The following MINDY4 variants were observed in gnomAD, a reference collection of about 807,000 sequenced individuals.
MINDY4 encodes MINDY lysine 48 deubiquitinase 4.
Under a neutral mutation model 87.0 loss-of-function variants are expected in MINDY4, and 68 were observed. The ratio of observed to expected loss-of-function variants is 0.78; its 90% CI spans 0.64 to 0.96. MINDY4 has a LOEUF of 0.96. Ranked by LOEUF, MINDY4 falls within the 40% of genes least tolerant of loss-of-function variation. The probability of loss-of-function intolerance (pLI) is 0.00; values close to 1 mark genes in which losing one functional copy is unlikely to be tolerated. For missense variants in MINDY4, 919 were observed against 928.2 expected (o/e 0.99, Z 0.13); for synonymous variants, 379 against 363.2 (o/e 1.04, Z -0.50).
At chr7:30,831,818 T>G (rs1238002903) in intron 6 of MINDY4, among the ~76,000 whole-genome samples, 1 of 152,216 alleles carries the variant, frequency 6.6e-6, no homozygotes, top group African/African-American at 2.4e-5. Context: ...AAAATCCAAT[T>G]ACTTTATACA....
At chr7:30,852,806 A>G (rs187113197) in intron 11 of MINDY4, among the ~76,000 whole-genome samples, 146 of 152,292 alleles carry the variant, frequency 9.6e-4, no homozygotes, top group African/African-American at 3.3e-3. Flanking sequence ...CCTCTTGCCA[A>G]CCTCTTCACT....
intron 13 of MINDY4, among the ~76,000 whole-genome samples, chr7:30,860,086 G>A (rs7795447): frequency 0.15 from 23,126 of 152,124 alleles, 2,242 homozygotes; most frequent in African/African-American, 0.27. Context: ...AGAGCCCTGG[G>A]GGCCTGGAGT....
In MINDY4 at chr7:30,827,443, T is replaced by G. The variant is rs577737046; in HGVS notation, c.1074-1236T>G. Among the ~76,000 whole-genome samples the G allele has an allele frequency of 2.0e-4, 31 of 152,214 alleles. No individual in the cohort carries two copies. In the South Asian group the frequency reaches 6.5e-3, roughly 32 times the overall value. Reference sequence around the variant, plus strand: ...TGCAGTTCTTCATGGGTGGGGGTGCTCTGACACAAACTCAGTGTCGACTGC... The same window carrying G: ...TGCAGTTCTTCATGGGTGGGGGTGCGCTGACACAAACTCAGTGTCGACTGC... On this transcript the variant is annotated intron_variant, in intron 5 of 17. Coordinates refer to ENST00000265299, the MANE Select transcript of MINDY4 (RefSeq NM_032222.3).
At chr7:30,776,128 C>T (rs1451124519) in intron 1 of MINDY4, among the ~76,000 whole-genome samples, 1 of 152,072 alleles carries the variant, frequency 6.6e-6, no homozygotes, top group African/African-American at 2.4e-5. Flanking sequence ...TAATCTCCTG[C>T]CTCCTACAGT....
chr7:30,811,136 G>A (rs1025282195), intron 5 of MINDY4, among the ~76,000 whole-genome samples: 27 of 151,968 alleles, frequency 1.8e-4, no homozygotes, highest in African/African-American at 6.0e-4. Context: ...GCTAACCACC[G>A]AGACTGCTGT....
chr7:30,789,010 C>A (rs1430187936), intron 4 of MINDY4, among the ~76,000 whole-genome samples: 2 of 152,232 alleles, frequency 1.3e-5, no homozygotes, highest in Admixed American at 1.3e-4. Context: ...TGCCTTGATT[C>A]ATGCCTGGGG....
intron 6 of MINDY4, among the ~76,000 whole-genome samples, chr7:30,830,722 T>C (rs980143440): frequency 1.3e-5 from 2 of 152,148 alleles, no homozygotes; most frequent in African/African-American, 2.4e-5. Flanking sequence ...CAAGATGAGA[T>C]TTGGGTGGGG....
intron 5 of MINDY4, among the ~76,000 whole-genome samples, chr7:30,805,259 G>A (rs1449532711): frequency 6.6e-6 from 1 of 152,202 alleles, no homozygotes; most frequent in Non-Finnish European, 1.5e-5. Flanking sequence ...AAGGAGGACT[G>A]TGGGCCTGGA....
At chr7:30,806,500 A>G (rs111688919) in intron 5 of MINDY4, among the ~76,000 whole-genome samples, 19 of 152,076 alleles carry the variant, frequency 1.2e-4, no homozygotes, top group African/African-American at 4.3e-4. Context: ...AAAAAAACAG[A>G]TGGATATATT....
chr7:30,771,564 C>G lies in MINDY4; in HGVS notation c.63+8C>G. ...GAGTTCCTCAGCAGAAAGGTAACGG[C>G]TCGCCCCCTCCAAAGCCCAGGAAGT... On this transcript the variant is annotated splice_region_variant and intron_variant, in intron 1 of 17. Transcript: ENST00000265299. The G allele has an allele frequency of 6.3e-7, 1 of 1,587,984 alleles. No individual in the cohort carries two copies. Among genetic ancestry groups the G allele is most frequent in the Non-Finnish European group, 8.6e-7 (1 of 1,168,240 alleles).
chr7:30,839,678 A>T (rs1373491314), intron 8 of MINDY4, among the ~76,000 whole-genome samples: 1 of 152,000 alleles, frequency 6.6e-6, no homozygotes, highest in African/African-American at 2.4e-5. Flanking sequence ...GATTCACAGG[A>T]TTTTGCAGAT....
At chr7:30,808,314 T>A (rs948664412) in intron 5 of MINDY4, among the ~76,000 whole-genome samples, 3 of 152,238 alleles carry the variant, frequency 2.0e-5, no homozygotes, top group African/African-American at 4.8e-5. Context: ...ACCCATGGCA[T>A]ACCTATACCG....
intron 5 of MINDY4, among the ~76,000 whole-genome samples, chr7:30,802,792 C>T (rs891109553): frequency 1.3e-5 from 2 of 152,100 alleles, no homozygotes; most frequent in African/African-American, 4.8e-5. Context: ...ATCTAGCCAA[C>T]TAAACAACTA....
intron 13 of MINDY4, among the ~76,000 whole-genome samples, chr7:30,864,987 G>A (rs1229556094): frequency 2.0e-5 from 3 of 152,180 alleles, no homozygotes; most frequent in East Asian, 1.9e-4. Context: ...TGAGAATCAC[G>A]GGCTCTTGGA....
chr7:30,802,955 C>A (rs1487277711), intron 5 of MINDY4: 1 of 152,288 alleles, frequency 6.6e-6, no homozygotes, highest in South Asian at 2.1e-4. Flanking sequence ...CCCACCCAAC[C>A]AACCAACCTA....
rs140736531 is a variant in MINDY4, at chr7:30,843,460, G to A, written c.1445+2612G>A. 3.0e-3 allele frequency among the ~76,000 whole-genome samples: 450 copies of A among 152,348 alleles called. 3 individuals are homozygous for A. The highest frequency in any genetic ancestry group is 0.01 in the African/African-American group (436 of 41,574). On this transcript the variant is annotated intron_variant, in intron 9 of 17. Transcript: ENST00000265299. ...CATTTCAGCCTAGTGCTCCTTCAGA[G>A]TTGCTTTTGAACTTCACCGTGGGCT...
intron 5 of MINDY4, among the ~76,000 whole-genome samples, chr7:30,827,263 A>T (rs1480391600): frequency 6.6e-6 from 1 of 152,128 alleles, no homozygotes; most frequent in African/African-American, 2.4e-5. Flanking sequence ...TCAGAAAGGG[A>T]CACTGAGGCA....
intron 15 of MINDY4, 96 bp from the exon 16 acceptor site, chr7:30,882,085 C>G (rs1772732126): frequency 8.4e-7 from 1 of 1,193,368 alleles, no homozygotes; most frequent in African/African-American, 1.5e-5. Context: ...TCAGCAGGGC[C>G]TCTCTGAGGT....
rs1790724634 is a variant in MINDY4, at chr7:30,889,304, C to T, written c.2226-2653C>T. Among the ~76,000 whole-genome samples the T allele has an allele frequency of 4.6e-5, 7 of 152,196 alleles. No homozygotes were observed. The South Asian group carries it at 1.4e-3, about 32-fold the overall frequency. On this transcript the variant is annotated intron_variant, in intron 17 of 17. Transcript: ENST00000265299. ...CTGCAGATTGCTAAGGTGCTTTTAA[C>T]CCAGCAGATGTAATAGATGAACTCA...
Sources: allele counts gnomAD v4.1 joint callset (sites outside exome capture counted in the v4.1 genomes callset), GRCh38; gene constraint gnomAD v4.1.1; transcripts MANE v1.5; gene names NCBI Gene and HGNC (gene_info 2026-07-23, HGNC 2026-07-21).